The following NUP210L variants were observed in gnomAD, a reference collection of about 807,000 sequenced individuals.
NUP210L encodes nucleoporin 210 like.
NUP210L carries 74 observed loss-of-function variants against 208.5 expected under a neutral mutation model. The ratio of observed to expected loss-of-function variants is 0.35; its 90% CI spans 0.29 to 0.43. The LOEUF (loss-of-function observed/expected upper bound fraction) is 0.43. NUP210L is among the 20% of genes least tolerant of loss of function. The pLI is 1.00. For synonymous variants in NUP210L, 780 were observed against 816.9 expected, an observed-to-expected ratio of 0.95 and a Z score of 0.77; for missense variants, 1,843 against 2,289.4, an observed-to-expected ratio of 0.81 and a Z score of 3.98.
chr1:154,062,566 CCT>C (rs1654193654), intron 17 of NUP210L, among the ~76,000 whole-genome samples: 2 of 113,472 alleles, frequency 1.8e-5, no homozygotes, highest in East Asian at 3.1e-4. Flanking sequence ...TTTTCTTTTT[CCT>C]TTTTTTTTTT....
At chr1:154,129,952 G>A (rs574310488) in intron 7 of NUP210L, among the ~76,000 whole-genome samples, 27 of 152,252 alleles carry the variant, frequency 1.8e-4, no homozygotes, top group Non-Finnish European at 3.7e-4. Context: ...ATTTATTCCA[G>A]TATCAGTCTA....
At chr1:154,081,674 A>G (rs972815671) in intron 16 of NUP210L, among the ~76,000 whole-genome samples, 70 of 152,214 alleles carry the variant, frequency 4.6e-4, no homozygotes, top group Admixed American at 2.6e-3. Context: ...TCATGTTTAC[A>G]TAATAATATC....
chr1:153,996,884 G>T (rs1166605997), intron 37 of NUP210L, among the ~76,000 whole-genome samples: 1 of 136,942 alleles, frequency 7.3e-6, no homozygotes, highest in Admixed American at 8.5e-5. Flanking sequence ...CAAGGTCTCA[G>T]GCTGGAGTGC....
chr1:154,153,578 G>A (rs1263975402), intron 1 of NUP210L, among the ~76,000 whole-genome samples: 1 of 152,122 alleles, frequency 6.6e-6, no homozygotes, highest in Non-Finnish European at 1.5e-5. Flanking sequence ...CCAAAGTGCT[G>A]GGATTACAGG....
At chr1:154,094,810 A>G (rs1656102740) in intron 15 of NUP210L, 125 bp downstream of exon 15, 3 of 685,074 alleles carry the variant, frequency 4.4e-6, no homozygotes, top group Admixed American at 2.9e-5. Context: ...CATTTGATCA[A>G]TAATTAGAAT....
Position 154,046,145 on chromosome 1 carries a change from T to C in NUP210L, c.3620A>G (p.Asn1207Ser), listed in dbSNP as rs112933529. The C allele has an allele frequency of 1.6e-4, 255 of 1,614,166 alleles. No homozygotes were observed. The African/African-American group carries it at 2.3e-3, about 15-fold the overall frequency. Reference sequence around the variant, plus strand: ...GTGGAATGTGAGCCCAGGATTAGCATTGCTGAAGGAGAAAGGGGTCTGGGT... The same window carrying C: ...GTGGAATGTGAGCCCAGGATTAGCACTGCTGAAGGAGAAAGGGGTCTGGGT... The change falls in exon 27 of 40, where the codon AAT (asparagine) becomes AGT (serine). Residue 1207 changes from asparagine to serine, a missense_variant. Physicochemically the swap from Asn to Ser is conservative, Grantham distance 46. Coordinates refer to ENST00000368559, the Ensembl canonical transcript of NUP210L.
chr1:154,073,453 G>C (rs1485749254), intron 16 of NUP210L, among the ~76,000 whole-genome samples: 1 of 152,084 alleles, frequency 6.6e-6, no homozygotes, highest in African/African-American at 2.4e-5. Flanking sequence ...TTGAGCCCAA[G>C]TTCAAGGTTA....
exon 1 of NUP210L, chr1:154,155,023 A>G (rs2148173215): frequency 6.2e-7 from 1 of 1,609,372 alleles, no homozygotes; most frequent in Non-Finnish European, 8.5e-7. Context: ...CGGCGTCTTG[A>G]TGACGCCGGA....
chr1:154,121,108 C>T (rs1273954460), intron 10 of NUP210L, among the ~76,000 whole-genome samples: 3 of 151,894 alleles, frequency 2.0e-5, no homozygotes, highest in Non-Finnish European at 2.9e-5. Flanking sequence ...ATTTTCTTTC[C>T]CCACACTATC....
intron 3 of NUP210L, 149 bp from the exon 4 acceptor site, chr1:154,141,673 CAT>C (rs939813872): frequency 8.5e-5 from 50 of 587,344 alleles, no homozygotes; most frequent in African/African-American, 2.4e-4. Flanking sequence ...TGAATTAAAA[CAT>C]ATATATGAGA....
intron 27 of NUP210L, among the ~76,000 whole-genome samples, chr1:154,042,134 CTG>C (rs1254859728): frequency 6.6e-6 from 1 of 151,756 alleles, no homozygotes; most frequent in Non-Finnish European, 1.5e-5. Context: ...GGGTCTCACT[CTG>C]TTACCCAGGC....
intron 29 of NUP210L, 89 bp from the exon 30 acceptor site, chr1:154,025,805 G>T: frequency 8.8e-7 from 1 of 1,135,990 alleles, no homozygotes. Context: ...TACTGTTAGG[G>T]GATGTACTCG....
intron 27 of NUP210L, among the ~76,000 whole-genome samples, chr1:154,041,270 C>T (rs1652863098): frequency 6.6e-6 from 1 of 152,094 alleles, no homozygotes; most frequent in Admixed American, 6.6e-5. Context: ...TGGCCTTTGC[C>T]CTACTTCTCT....
intron 27 of NUP210L, among the ~76,000 whole-genome samples, chr1:154,042,500 C>G (rs1159584968): frequency 6.6e-6 from 1 of 152,104 alleles, no homozygotes; most frequent in African/African-American, 2.4e-5. Flanking sequence ...AATCTCGCCT[C>G]CCTGCAAGCT....
rs1652935013 is a variant in NUP210L, at chr1:154,042,418, G to GTTGT, written c.3696+3647_3696+3650dup. ...GCACCCAGCCCATGAAGGCCTTTTT[G>GTTGT]TTGTTGTTGTTGTTGTTGTTGTTGT... On this transcript the variant is annotated intron_variant, in intron 27 of 39. Transcript: ENST00000368559. 2.0e-5 allele frequency among the ~76,000 whole-genome samples: 3 copies of GTTGT among 147,226 alleles called. No homozygotes were observed. In the South Asian group the frequency reaches 6.5e-4, roughly 32 times the overall value.
At chr1:154,104,530 T>TG (rs1188446008) in intron 12 of NUP210L, 13 of 280,930 alleles carry the variant, frequency 4.6e-5, no homozygotes, top group Middle Eastern at 1.2e-3. Context: ...TCTGTGCACC[T>TG]GGGGAGTACA....
intron 10 of NUP210L, among the ~76,000 whole-genome samples, chr1:154,121,956 T>A (rs151012805): frequency 1.8e-3 from 270 of 151,250 alleles, no homozygotes; most frequent in African/African-American, 6.3e-3. Flanking sequence ...CATAAATGAA[T>A]GAAATAGAAA....
chr1:154,120,879 G>A (rs1212875524), intron 10 of NUP210L, among the ~76,000 whole-genome samples: 4 of 124,282 alleles, frequency 3.2e-5, no homozygotes, highest in Non-Finnish European at 4.8e-5. Flanking sequence ...CTGGGAGACA[G>A]GGCGAGACTC....
chr1:154,045,054 A>G (rs1026787252), intron 27 of NUP210L, among the ~76,000 whole-genome samples: 1 of 152,134 alleles, frequency 6.6e-6, no homozygotes, highest in Non-Finnish European at 1.5e-5. Context: ...GGAGGAGCCA[A>G]TACCACCAGA....
Sources: allele counts gnomAD v4.1 joint callset (sites outside exome capture counted in the v4.1 genomes callset), GRCh38; gene constraint gnomAD v4.1.1; transcripts MANE v1.5; gene names NCBI Gene and HGNC (gene_info 2026-07-23, HGNC 2026-07-21).